Variants in SNX29 observed in about 807,000 individuals in gnomAD.
The protein encoded by SNX29 is sorting nexin 29.
A neutral mutation model predicts 102.1 loss-of-function variants in SNX29; 78 were observed. The observed-to-expected ratio is 0.76, with a 90% CI of 0.64 to 0.92. The LOEUF (loss-of-function observed/expected upper bound fraction) is 0.92. SNX29 is among the 40% of genes least tolerant of loss of function. SNX29 has a pLI of 0.00. For missense variants in SNX29, 1,280 were observed against 1,061.7 expected (o/e 1.21, Z -2.86); for synonymous variants, 580 against 414.5 (o/e 1.40, Z -4.85).
In SNX29 at chr16:12,390,519, A is replaced by C. The variant is rs1342568966; in HGVS notation, c.1900-7927A>C. The stretch of plus-strand genomic sequence containing the variant: ...GACTTCCTCTCCCCCTGTCACCTGC[A>C]GAGAGTCTGACTACTCAATGGAATG... On this transcript the variant is annotated intron_variant, in intron 16 of 20. Transcript: ENST00000566228. Among the ~76,000 whole-genome samples the C allele has an allele frequency of 2.0e-5, 3 of 152,200 alleles. No homozygotes were observed. The East Asian group carries it at 5.8e-4, about 29-fold the overall frequency.
intron 15 of SNX29, among the ~76,000 whole-genome samples, chr16:12,295,137 A>T (rs894744282): frequency 1.3e-5 from 2 of 152,172 alleles, no homozygotes; most frequent in Non-Finnish European, 2.9e-5. Flanking sequence ...CCCACAACAC[A>T]TGGGAATTAT....
rs901347187 is a variant in SNX29, at chr16:12,563,612, CACAGACG to C, written c.2319-4892_2319-4886del. On this transcript the variant is annotated intron_variant, in intron 20 of 20. Transcript: ENST00000566228. Reference sequence around the variant, plus strand: ...CCTCCATGTCTGTATCACCACATCTCACAGACGAGACTGTCCTGGCCCCAGAAGGTAG... The same window carrying C: ...CCTCCATGTCTGTATCACCACATCTCAGACTGTCCTGGCCCCAGAAGGTAG... Among the ~76,000 whole-genome samples the C allele has an allele frequency of 6.5e-5, 9 of 139,438 alleles. No homozygotes were observed. The South Asian group carries it at 6.8e-4, about 10-fold the overall frequency. 91.5% of individuals were successfully genotyped at this position (139,438 alleles called of 152,430 possible).
In SNX29 at chr16:12,472,717, GT is replaced by G. The variant is rs2087417804; in HGVS notation, c.2038-4998del. ...TGAGACCTTATCTCTACTAGAGCTTGTTTTGGATTCTGTTCATTGACGGACT... is the reference window on the plus strand; with the variant it reads ...TGAGACCTTATCTCTACTAGAGCTTGTTTGGATTCTGTTCATTGACGGACT... On this transcript the variant is annotated intron_variant, in intron 18 of 20. Transcript: ENST00000566228. Among the ~76,000 whole-genome samples the G allele has an allele frequency of 3.9e-5, 6 of 152,120 alleles. No homozygotes were observed. The South Asian group carries it at 1.0e-3, about 26-fold the overall frequency.
chr16:12,454,261 C>T (rs958622845), intron 18 of SNX29, among the ~76,000 whole-genome samples: 5 of 152,288 alleles, frequency 3.3e-5, no homozygotes, highest in African/African-American at 4.8e-5. Context: ...CAGCTAAGAT[C>T]GCAGAGCAGA....
chr16:12,276,227 G>C (rs1217664255), intron 14 of SNX29, among the ~76,000 whole-genome samples: 1 of 152,116 alleles, frequency 6.6e-6, no homozygotes, highest in African/African-American at 2.4e-5. Context: ...TTGAGAGGAT[G>C]TGAGTGTAAA....
At chr16:12,429,268 A>C (rs1320960493) in intron 18 of SNX29, among the ~76,000 whole-genome samples, 1 of 152,252 alleles carries the variant, frequency 6.6e-6, no homozygotes, top group Non-Finnish European at 1.5e-5. Flanking sequence ...CCTTCTAGTT[A>C]GTCCCACCAC....
chr16:12,452,293 G>A (rs187464542), intron 18 of SNX29, among the ~76,000 whole-genome samples: 6 of 40,730 alleles, frequency 1.5e-4, no homozygotes, highest in African/African-American at 1.1e-3. Context: ...AACTGGGGTG[G>A]CTGCTACTGG....
At chr16:12,513,789 C>T (rs1392700293) in intron 19 of SNX29, among the ~76,000 whole-genome samples, 1 of 152,234 alleles carries the variant, frequency 6.6e-6, no homozygotes, top group East Asian at 1.9e-4. Flanking sequence ...AGCGCCCAGT[C>T]AGCAGCTGAT....
chr16:12,476,341 C>A (rs1297020461), intron 18 of SNX29, among the ~76,000 whole-genome samples: 1 of 55,628 alleles, frequency 1.8e-5, no homozygotes, highest in Non-Finnish European at 3.4e-5. Flanking sequence ...AAGGACACAG[C>A]GACATTTCTC....
intron 14 of SNX29, among the ~76,000 whole-genome samples, chr16:12,275,446 T>G (rs191632362): frequency 1.3e-3 from 196 of 152,368 alleles, no homozygotes; most frequent in African/African-American, 4.3e-3. Flanking sequence ...TGCTAATCGC[T>G]TCTTAAACAG....
At chr16:12,521,004 G>A (rs1037684749) in intron 19 of SNX29, among the ~76,000 whole-genome samples, 1 of 151,956 alleles carries the variant, frequency 6.6e-6, no homozygotes, top group Non-Finnish European at 1.5e-5. Flanking sequence ...TTCGAGAACA[G>A]TCGTCACTAG....
chr16:12,543,866 C>T (rs2077459570), intron 20 of SNX29, among the ~76,000 whole-genome samples: 1 of 152,208 alleles, frequency 6.6e-6, no homozygotes, highest in Admixed American at 6.5e-5. Context: ...GGAACATCCT[C>T]TTACCACACT....
chr16:12,232,072 G>A (rs1455733081), intron 14 of SNX29, among the ~76,000 whole-genome samples: 1 of 152,108 alleles, frequency 6.6e-6, no homozygotes, highest in Non-Finnish European at 1.5e-5. Context: ...CCTTCTGGTT[G>A]TGTGCCCCAG....
intron 18 of SNX29, among the ~76,000 whole-genome samples, chr16:12,473,661 G>A (rs2087461765): frequency 6.6e-6 from 1 of 152,190 alleles, no homozygotes; most frequent in Non-Finnish European, 1.5e-5. Context: ...ATGCGAAGTT[G>A]GCACAAAATA....
At chr16:12,438,415 C>G (rs2151658380) in intron 18 of SNX29, among the ~76,000 whole-genome samples, 1 of 152,184 alleles carries the variant, frequency 6.6e-6, no homozygotes, top group East Asian at 1.9e-4. Context: ...TTTACCTCTC[C>G]CCTTCTTCAT....
intron 15 of SNX29, among the ~76,000 whole-genome samples, chr16:12,290,662 C>G (rs2151060938): frequency 1.3e-5 from 2 of 152,300 alleles, no homozygotes; most frequent in South Asian, 4.1e-4. Flanking sequence ...AGGTCTGTCT[C>G]ATTTTTCTTT....
intron 20 of SNX29, among the ~76,000 whole-genome samples, chr16:12,525,199 G>C (rs2076744794): frequency 6.6e-6 from 1 of 152,100 alleles, no homozygotes; most frequent in South Asian, 2.1e-4. Flanking sequence ...TGTTTCTCAA[G>C]CTTGGGTAAT....
At chr16:12,177,278 T>C (rs2141807217) in intron 13 of SNX29, among the ~76,000 whole-genome samples, 1 of 152,286 alleles carries the variant, frequency 6.6e-6, no homozygotes, top group South Asian at 2.1e-4. Flanking sequence ...CTGTTTTACT[T>C]CTGTGTCGGT....
intron 20 of SNX29, among the ~76,000 whole-genome samples, chr16:12,554,584 TTGGAGCTCCCAAGCCAG>T (rs1281799826): frequency 1.3e-5 from 2 of 152,208 alleles, no homozygotes; most frequent in Non-Finnish European, 2.9e-5. Context: ...ACACCAAGAC[TTGGAGCTCCCAAGCCAG>T]AGGAGCTCAC....
Sources: gnomAD v4.1 joint callset for allele counts (sites outside exome capture counted in the v4.1 genomes callset) on GRCh38, gnomAD v4.1.1 for gene constraint, MANE v1.5 for transcripts, NCBI Gene and HGNC (gene_info 2026-07-23, HGNC 2026-07-21) for gene names.